Variants in DLG2 observed in about 807,000 individuals in gnomAD.
The protein encoded by DLG2 is discs large MAGUK scaffold protein 2.
In DLG2, 45 loss-of-function variants were observed where a neutral mutation model predicts 132.5. That is an observed-to-expected ratio of 0.34 (90% CI 0.27 to 0.44). DLG2 has a LOEUF of 0.44. Among genes scored for constraint, DLG2 ranks in the 20% least tolerant of loss-of-function variants. The pLI is 1.00. For missense variants in DLG2, 1,045 were observed against 1,196.9 expected (o/e 0.87, Z 1.87); for synonymous variants, 424 against 419.6 (o/e 1.01, Z -0.13).
intron 19 of DLG2, 82 bp downstream of exon 19, chr11:83,633,129 T>G: frequency 8.0e-7 from 1 of 1,254,980 alleles, no homozygotes. Flanking sequence ...GGACACATGT[T>G]CTGTTGCTAC....
chr11:84,274,282 G>A (rs1041791079), intron 7 of DLG2, among the ~76,000 whole-genome samples: 1 of 152,186 alleles, frequency 6.6e-6, no homozygotes, highest in African/African-American at 2.4e-5. Context: ...CTTGGAAGGT[G>A]ATGCTCAGAG....
intron 6 of DLG2, among the ~76,000 whole-genome samples, chr11:84,859,107 G>A (rs909109302): frequency 6.6e-6 from 1 of 151,794 alleles, no homozygotes; most frequent in African/African-American, 2.4e-5. Context: ...TAAAGTGCCA[G>A]ATACGAAGCA....
chr11:84,965,876 C>T (rs564124122), intron 6 of DLG2, among the ~76,000 whole-genome samples: 13 of 152,180 alleles, frequency 8.5e-5, no homozygotes, highest in African/African-American at 3.1e-4. Context: ...TACTGTTATC[C>T]TCTGCCTCCA....
At chr11:84,910,780 C>A (rs563338701) in intron 6 of DLG2, among the ~76,000 whole-genome samples, 1 of 152,034 alleles carries the variant, frequency 6.6e-6, no homozygotes, top group Non-Finnish European at 1.5e-5. Flanking sequence ...ACAACAACAA[C>A]AACAACAACA....
chr11:85,053,301 G>C (rs997418316), intron 6 of DLG2, among the ~76,000 whole-genome samples: 22 of 152,150 alleles, frequency 1.4e-4, no homozygotes, highest in African/African-American at 5.3e-4. Context: ...TCAGAATGTA[G>C]TGTGGGGTCT....
chr11:84,898,320 T>C (rs1330067011), intron 6 of DLG2, among the ~76,000 whole-genome samples: 1 of 151,944 alleles, frequency 6.6e-6, no homozygotes, highest in Non-Finnish European at 1.5e-5. Context: ...ATTGGTTTCT[T>C]TCCTTGTTCT....
chr11:84,162,093 C>T (rs982075481), intron 9 of DLG2, among the ~76,000 whole-genome samples: 6 of 152,068 alleles, frequency 3.9e-5, no homozygotes, highest in African/African-American at 1.4e-4. Context: ...AATTAAAGTG[C>T]AGGTCTACAA....
rs991597427 is a variant in DLG2, at chr11:83,455,785, G to T, written c.*4033C>A. 6.6e-6 allele frequency: 1 copy of T among 152,502 alleles called. No homozygotes were observed. Among genetic ancestry groups the T allele is most frequent in the East Asian group, 1.9e-4 (1 of 5,188 alleles). The allele number at this position is 152,502 out of a possible 1,614,324, so 9.4% of individuals were successfully genotyped here. ...AAATGTATATCACAGAATTCTGTAG[G>T]GAGTCCCCTGGCAAGTCAGCTGTCA... On this transcript the variant is annotated 3_prime_UTR_variant, in exon 28 of 28. Transcript: ENST00000376104.
chr11:84,692,119 G>A (rs1418323964), intron 6 of DLG2, among the ~76,000 whole-genome samples: 3 of 151,548 alleles, frequency 2.0e-5, no homozygotes, highest in Admixed American at 6.6e-5. Flanking sequence ...TGTTCAGCAC[G>A]CAGCATGTGT....
intron 18 of DLG2, among the ~76,000 whole-genome samples, chr11:83,750,407 C>T (rs1252664452): frequency 6.6e-6 from 1 of 152,106 alleles, no homozygotes; most frequent in Non-Finnish European, 1.5e-5. Flanking sequence ...TCTGGTTAAT[C>T]AAATATTGAG....
chr11:85,380,661 A>T (rs1388138630), intron 3 of DLG2, among the ~76,000 whole-genome samples: 2 of 152,186 alleles, frequency 1.3e-5, no homozygotes, highest in African/African-American at 2.4e-5. Flanking sequence ...ACTCCATCTC[A>T]ACAACAACAA....
At chr11:84,409,787 A>AT (rs575144924) in intron 7 of DLG2, among the ~76,000 whole-genome samples, 19 of 152,034 alleles carry the variant, frequency 1.2e-4, no homozygotes, top group Non-Finnish European at 2.1e-4. Context: ...GCAATTATCT[A>AT]TTTTTTTCTG....
At chr11:84,477,891 A>C (rs1266660353) in intron 7 of DLG2, among the ~76,000 whole-genome samples, 1 of 152,198 alleles carries the variant, frequency 6.6e-6, no homozygotes, top group Non-Finnish European at 1.5e-5. Context: ...AACATTAAAA[A>C]ATATATTTTA....
At chr11:85,355,079 A>G (rs1472103789) in intron 3 of DLG2, among the ~76,000 whole-genome samples, 1 of 152,142 alleles carries the variant, frequency 6.6e-6, no homozygotes, top group Admixed American at 6.6e-5. Flanking sequence ...CATTTAATAA[A>G]TCAGGCTTTA....
intron 4 of DLG2, among the ~76,000 whole-genome samples, chr11:85,265,927 C>T (rs1470059459): frequency 6.6e-6 from 1 of 152,202 alleles, no homozygotes; most frequent in Non-Finnish European, 1.5e-5. Flanking sequence ...TCCCCATTCA[C>T]CATCCTTTGA....
intron 6 of DLG2, among the ~76,000 whole-genome samples, chr11:84,837,754 T>G (rs1344487510): frequency 6.6e-6 from 1 of 151,874 alleles, no homozygotes; most frequent in Non-Finnish European, 1.5e-5. Flanking sequence ...TATCAGTGCC[T>G]TGATAAGTGG....
At chr11:83,494,710 G>T (rs1194337321) in intron 21 of DLG2, among the ~76,000 whole-genome samples, 1 of 147,262 alleles carries the variant, frequency 6.8e-6, no homozygotes, top group Non-Finnish European at 1.5e-5. Context: ...TCTAGGTGGA[G>T]CTCCCTGCCT....
chr11:85,443,503 ACTTTAC>A (rs1367598489), intron 3 of DLG2, among the ~76,000 whole-genome samples: 1 of 152,174 alleles, frequency 6.6e-6, no homozygotes, highest in East Asian at 1.9e-4. Context: ...ATATGTGAAA[ACTTTAC>A]GTTTGAAAGT....
chr11:83,481,112 C>T (rs2093066386), intron 22 of DLG2, among the ~76,000 whole-genome samples: 1 of 152,068 alleles, frequency 6.6e-6, no homozygotes, highest in Admixed American at 6.6e-5. Flanking sequence ...TGGCATGGAA[C>T]AGGCAGGAGA....
Sources: allele counts gnomAD v4.1 joint callset (sites outside exome capture counted in the v4.1 genomes callset), GRCh38; gene constraint gnomAD v4.1.1; transcripts MANE v1.5; gene names NCBI Gene and HGNC (gene_info 2026-07-23, HGNC 2026-07-21).